The following NEK8 variants were observed in gnomAD, a reference collection of about 807,000 sequenced individuals.
NEK8 encodes serine/threonine-protein kinase Nek8.
In NEK8, 51 loss-of-function variants were observed where a neutral mutation model predicts 77.2. The observed-to-expected ratio is 0.66, with a 90% CI of 0.53 to 0.83. The LOEUF (loss-of-function observed/expected upper bound fraction) is 0.83. Among genes scored for constraint, NEK8 ranks in the 40% least tolerant of loss-of-function variants. The pLI, the probability that NEK8 is intolerant of heterozygous loss-of-function variation, is 0.00. For synonymous variants in NEK8, 365 were observed against 363.2 expected, an observed-to-expected ratio of 1.00 and a Z score of -0.06; for missense variants, 787 against 909.2, an observed-to-expected ratio of 0.87 and a Z score of 1.73.
Position 28,737,984 on chromosome 17 carries a change from GT to G in NEK8, c.1056del (p.Leu353SerfsTer9). 6.2e-7 allele frequency: 1 copy of G among 1,611,944 alleles called. No individual in the cohort carries two copies. On this transcript the variant is annotated frameshift_variant, in exon 7 of 15. Transcript: ENST00000268766. LOFTEE classifies it high-confidence loss of function. This position sits in a 1 kb window ranked among gnomAD's most constrained non-coding sequence, Gnocchi z 4.8. Reference sequence around the variant, plus strand: ...AAAGCCGGCGTCACGCGCTCTGGGCGTCTCATCCTGTGGGAGGTGAGCAGGC... The same window carrying G: ...AAAGCCGGCGTCACGCGCTCTGGGCGCTCATCCTGTGGGAGGTGAGCAGGC... ...TQKAGVTRSG[R>X]LILWEAPPLG...
chr17:28,731,317 G>T (rs937231765), intron 1 of NEK8, among the ~76,000 whole-genome samples: 15 of 151,760 alleles, frequency 9.9e-5, no homozygotes, highest in Non-Finnish European at 1.9e-4. Context: ...AGGCGGGCAG[G>T]TCACGAGGTC....
chr17:28,738,568 TC>T, intron 8 of NEK8, 102 bp from the exon 9 acceptor site: 1 of 1,000,662 alleles, frequency 1.0e-6, no homozygotes, highest in Non-Finnish European at 1.6e-6. Context: ...CCAGCCCTGG[TC>T]CCCAACTTTA....
In NEK8 at chr17:28,739,092, T is replaced by C. The variant is rs764387148; in HGVS notation, c.1308T>C (p.Ile436=). ...CTTCCTCTCCTCTCTAGCCCACCAT[T>C]GTGGAGGCTTTGCTGGGCTATGAAA... ...GSLTDISQPT[I]VEALLGYEMV... Residue 436 remains isoleucine, a synonymous_variant, in exon 10 of 15, where the codon ATT becomes ATC. Transcript: ENST00000268766. The C allele has an allele frequency of 8.1e-6, 13 of 1,613,050 alleles. No homozygotes were observed. The highest frequency in any genetic ancestry group is 1.0e-5 in the Non-Finnish European group (12 of 1,179,108).
chr17:28,737,840 G>T lies in NEK8; in HGVS notation c.911G>T (p.Arg304Met), dbSNP rs2034380984. 6.2e-7 allele frequency: 1 copy of T among 1,613,918 alleles called. No individual in the cohort carries two copies. Among genetic ancestry groups the T allele is most frequent in the Admixed American group, 1.7e-5 (1 of 59,998 alleles). The change falls in exon 7 of 15, where the codon AGG becomes ATG. Residue 304 changes from arginine (R) to methionine (M), a missense_variant. Physicochemically the swap from Arg to Met is moderately conservative, Grantham distance 91. Transcript: ENST00000268766. This position sits in a 1 kb window ranked among gnomAD's most constrained non-coding sequence, Gnocchi z 4.8. Reference sequence around the variant, plus strand: ...GCAGGTATCCCCCGGGGACCTGTGAGGCCAGCCATCCCACCACCACTGTCG... The same window carrying T: ...GCAGGTATCCCCCGGGGACCTGTGATGCCAGCCATCCCACCACCACTGTCG... ...RCRGIPRGPV[R>M]PAIPPPLSSV...
At chr17:28,734,301 T>C in intron 2 of NEK8, 113 bp downstream of exon 2, 1 of 959,152 alleles carries the variant, frequency 1.0e-6, no homozygotes, top group Non-Finnish European at 1.7e-6. Context: ...GGGTTAGAGT[T>C]CTGGTCCCAA....
chr17:28,734,358 T>C, intron 2 of NEK8, 170 bp downstream of exon 2: 2 of 661,576 alleles, frequency 3.0e-6, no homozygotes, highest in Non-Finnish European at 5.4e-6. Flanking sequence ...CCCAGTGCCC[T>C]GTTCCATACA....
chr17:28,740,991 G>C lies in NEK8; in HGVS notation c.1732+6G>C, dbSNP rs2151734057. On this transcript the variant is annotated splice_donor_region_variant and intron_variant, in intron 12 of 14. Transcript: ENST00000268766. The surrounding 1 kb of genome is among the most constrained non-coding windows in gnomAD (Gnocchi z 4.7). ...TCACTCAGCTGCTGTGACTGGTGAG[G>C]AGGACTTGGGCTCTGGAGGTCAGAG... 1 of 1,613,138 alleles carries C rather than the reference G, an allele frequency of 6.2e-7. No homozygotes were observed. The highest frequency in any genetic ancestry group is 8.5e-7 in the Non-Finnish European group (1 of 1,179,956).
In NEK8 at chr17:28,734,127, T is replaced by C; in HGVS notation, c.192T>C (p.Ile64=). The C allele has an allele frequency of 6.2e-7, 1 of 1,613,840 alleles. No individual in the cohort carries two copies. Among genetic ancestry groups the C allele is most frequent in the Non-Finnish European group, 8.5e-7 (1 of 1,179,924 alleles). Residue 64 remains isoleucine, a synonymous_variant, in exon 2 of 15, where the codon ATT becomes ATC. Transcript: ENST00000268766. Reference sequence around the variant, plus strand: ...AGCTGCTCAACCACCCCAATGTCATTGAGTACTACGAGAACTTCCTGGAAG... The same window carrying C: ...AGCTGCTCAACCACCCCAATGTCATCGAGTACTACGAGAACTTCCTGGAAG... The part of the protein sequence containing the change: ...VLKLLNHPNV[I]EYYENFLEDK...
chr17:28,730,277 A>ATTTTT (rs36102062), intron 1 of NEK8, among the ~76,000 whole-genome samples: 18 of 89,286 alleles, frequency 2.0e-4, no homozygotes, highest in African/African-American at 3.7e-4. Context: ...CAACCGGCTA[A>ATTTTT]TTTTTTTTTT....
chr17:28,741,909 G>A lies in NEK8; in HGVS notation c.2051-50G>A, dbSNP rs890511888. 1 of 1,603,714 alleles carries A rather than the reference G, an allele frequency of 6.2e-7. No homozygotes were observed. The highest frequency in any genetic ancestry group is 8.5e-7 in the Non-Finnish European group (1 of 1,170,480). The stretch of plus-strand genomic sequence containing the variant: ...GAGTGGGAGGTGGGTGATGATTTCT[G>A]GAGGCACTGCCCTCAGAAGCTGCAA... On this transcript the variant is annotated intron_variant, in intron 14 of 14. Transcript: ENST00000268766. This position sits in a 1 kb window ranked among gnomAD's most constrained non-coding sequence, Gnocchi z 4.5.
At chr17:28,729,812 C>T (rs2034289720) in intron 1 of NEK8, among the ~76,000 whole-genome samples, 1 of 152,144 alleles carries the variant, frequency 6.6e-6, no homozygotes, top group Non-Finnish European at 1.5e-5. Flanking sequence ...TCCCTAAGTG[C>T]TGGAATTACA....
At chr17:28,739,304 T>A in intron 10 of NEK8, 103 bp downstream of exon 10, 1 of 810,114 alleles carries the variant, frequency 1.2e-6, no homozygotes, top group South Asian at 1.3e-5. Flanking sequence ...CTTCCCTCTT[T>A]TCTCTCAAAT....
Position 28,743,204 on chromosome 17 carries a change from G to A in NEK8, c.*1217G>A, listed in dbSNP as rs1597809519. ...GGCCTGCCTAGCTTCTGCATAGCCC[G>A]GGGCTGGGCGGTCCCCGGGAGTGCT... is the stretch of plus-strand genomic sequence containing the variant. On this transcript the variant is annotated 3_prime_UTR_variant, in exon 15 of 15. Transcript: ENST00000268766. 6.6e-6 allele frequency: 1 copy of A among 151,926 alleles called. No individual in the cohort carries two copies. 9.4% of individuals were successfully genotyped at this position (151,926 alleles called of 1,614,324 possible). A position where few individuals can be genotyped will look rare whatever the true frequency, so the allele number is the denominator to read the frequency against.
At position 28,740,636 on chromosome 17, in the gene NEK8, T is replaced by A. The variant is rs369349630; in HGVS notation, c.1568+23T>A. The A allele has an allele frequency of 8.7e-6, 14 of 1,613,538 alleles. No homozygotes were observed. The African/African-American group carries it at 1.9e-4, about 22-fold the overall frequency. On this transcript the variant is annotated intron_variant, in intron 11 of 14. Coordinates refer to ENST00000268766, the MANE Select transcript of NEK8 (RefSeq NM_178170.3). This position sits in a 1 kb window ranked among gnomAD's most constrained non-coding sequence, Gnocchi z 4.7. The stretch of plus-strand genomic sequence containing the variant: ...CAGGTGAATAGATCATCAGGATGAC[T>A]AACCTGCCCCTGGCTCTCCTTGGCT...
chr17:28,736,413 T>G (rs1247090859), intron 4 of NEK8, among the ~76,000 whole-genome samples: 1 of 152,204 alleles, frequency 6.6e-6, no homozygotes, highest in East Asian at 1.9e-4. Flanking sequence ...TGTTCCTATT[T>G]CTCCACATCC....
At position 28,740,640 on chromosome 17, in the gene NEK8, C is replaced by T; in HGVS notation, c.1568+27C>T. The T allele has an allele frequency of 1.2e-6, 2 of 1,613,498 alleles. No homozygotes were observed. The highest frequency in any genetic ancestry group is 2.2e-5 in the East Asian group (1 of 44,874). On this transcript the variant is annotated intron_variant, in intron 11 of 14. Transcript: ENST00000268766. This position sits in a 1 kb window ranked among gnomAD's most constrained non-coding sequence, Gnocchi z 4.7. The stretch of plus-strand genomic sequence containing the variant: ...TGAATAGATCATCAGGATGACTAAC[C>T]TGCCCCTGGCTCTCCTTGGCTGCAA...
At chr17:28,738,562 C>CCCAGT in intron 8 of NEK8, 109 bp from the exon 9 acceptor site, 1 of 958,660 alleles carries the variant, frequency 1.0e-6, no homozygotes, top group Non-Finnish European at 1.7e-6. Context: ...ATCCTTCCAG[C>CCCAGT]CCTGGTCCCC....
rs2034436850 is a variant in NEK8, at chr17:28,742,635, A to C, written c.*648A>C. The C allele has an allele frequency of 6.4e-6, 1 of 157,402 alleles. No homozygotes were observed. The highest frequency in any genetic ancestry group is 6.1e-5 in the Admixed American group (1 of 16,436). The allele number at this position is 157,402 out of a possible 1,614,324, so 9.8% of individuals were successfully genotyped here. On this transcript the variant is annotated 3_prime_UTR_variant, in exon 15 of 15. Transcript: ENST00000268766. ...CCCTTTCCCCTAGCCCAGTTAGAAA[A>C]TAAGTCTGGGCCGGCGGCGGTGGCT... is the stretch of plus-strand genomic sequence containing the variant.
At position 28,737,810 on chromosome 17, in the gene NEK8, T is replaced by C; in HGVS notation, c.890-9T>C. On this transcript the variant is annotated splice_polypyrimidine_tract_variant and intron_variant, in intron 6 of 14. Coordinates refer to ENST00000268766, the MANE Select transcript of NEK8 (RefSeq NM_178170.3). This position sits in a 1 kb window ranked among gnomAD's most constrained non-coding sequence, Gnocchi z 4.8. The stretch of plus-strand genomic sequence containing the variant: ...TCAGTTTAATAGTCCCCATGCACTG[T>C]ACCTGCAGGTATCCCCCGGGGACCT... 1 of 1,614,108 alleles carries C rather than the reference T, an allele frequency of 6.2e-7. No individual in the cohort carries two copies. The highest frequency in any genetic ancestry group is 8.5e-7 in the Non-Finnish European group (1 of 1,180,002).
Sources: gnomAD v4.1 joint callset for allele counts (sites outside exome capture counted in the v4.1 genomes callset) on GRCh38, gnomAD v4.1.1 for gene constraint, Gnocchi (gnomAD v3.1) non-coding constraint, MANE v1.5 for transcripts, NCBI Gene and HGNC (gene_info 2026-07-23, HGNC 2026-07-21) for gene names.